FAM83G: variants seen among roughly 807,000 people sequenced by gnomAD.
FAM83G encodes scaffolding CK1 anchoring protein G.
In FAM83G, 38 loss-of-function variants were observed where a neutral mutation model predicts 61.5. The observed-to-expected ratio is 0.62, with a 90% CI of 0.48 to 0.81. FAM83G has a LOEUF of 0.81. Among genes scored for constraint, FAM83G ranks in the 30% least tolerant of loss-of-function variants. The probability of loss-of-function intolerance (pLI) is 0.00; values close to 1 mark genes in which losing one functional copy is unlikely to be tolerated. For synonymous variants in FAM83G, 470 were observed against 476.1 expected, an observed-to-expected ratio of 0.99 and a Z score of 0.17; for missense variants, 989 against 1,133.6, an observed-to-expected ratio of 0.87 and a Z score of 1.83.
chr17:18,985,273 C>T (rs1161833387), intron 3 of FAM83G, among the ~76,000 whole-genome samples: 3 of 152,226 alleles, frequency 2.0e-5, no homozygotes, highest in Non-Finnish European at 4.4e-5. Context: ...ACCATGTCCC[C>T]ATTTTGTAGA....
At position 19,003,531 on chromosome 17, in the gene FAM83G, G is replaced by C. The variant is rs550503280; in HGVS notation, c.511C>G (p.Gln171Glu). The change falls in exon 2 of 6, where the codon CAG (glutamine) becomes GAG (glutamate). Residue 171 changes from glutamine to glutamate, a missense_variant. By Grantham distance (29) the Gln-to-Glu change is conservative (BLOSUM62 2). Around this residue, in one of 3 missense-constraint regions of FAM83G, gnomAD observed 371 missense variants for 404.5 expected, o/e 0.92. Coordinates refer to ENST00000388995, the MANE Select transcript of FAM83G (RefSeq NM_001039999.3). The surrounding 1 kb of genome is among the most constrained non-coding windows in gnomAD (Gnocchi z 4.5). ...IKEVVRKMIS[Q>E]AQKVIAVVMD... ...CCGCGCTGCCTCACCTTCTGTGCCT[G>C]GCTGATCATCTTCCGCACCACCTCT... 3.3e-6 allele frequency: 5 copies of C among 1,537,866 alleles called. No individual in the cohort carries two copies. In the African/African-American group the frequency reaches 5.5e-5, roughly 17 times the overall value.
chr17:18,991,790 G>A (rs2043433117), intron 2 of FAM83G, among the ~76,000 whole-genome samples: 1 of 152,190 alleles, frequency 6.6e-6, no homozygotes, highest in African/African-American at 2.4e-5. Flanking sequence ...GTGAAGGAGG[G>A]AGCCCAGTGG....
At chr17:18,993,467 C>G (rs1276070877) in intron 2 of FAM83G, among the ~76,000 whole-genome samples, 1 of 152,170 alleles carries the variant, frequency 6.6e-6, no homozygotes, top group African/African-American at 2.4e-5. Flanking sequence ...ACGTGACAAG[C>G]CTTACACTCA....
intron 5 of FAM83G, among the ~76,000 whole-genome samples, chr17:18,972,550 C>G (rs1435891310): frequency 1.3e-5 from 2 of 152,190 alleles, no homozygotes; most frequent in African/African-American, 4.8e-5. Context: ...CCCAGAGACC[C>G]TCCCTGGGTT....
intron 4 of FAM83G, 174 bp from the exon 5 acceptor site, chr17:18,979,024 A>G (rs2043062377): frequency 1.4e-6 from 1 of 714,816 alleles, no homozygotes; most frequent in Non-Finnish European, 2.3e-6. Context: ...TCGGATGTCA[A>G]GCAAGTTGGT....
In FAM83G at chr17:18,972,380, A is replaced by G. The variant is rs1181780941; in HGVS notation, c.2083-632T>C. 1.3e-5 allele frequency among the ~76,000 whole-genome samples: 2 copies of G among 152,162 alleles called. 1 individual carries two copies. The highest frequency in any genetic ancestry group is 2.9e-5 in the Non-Finnish European group (2 of 68,010). ...CACAGCGCTCACACAAGCCTTTCCC[A>G]CGTGGCCTACCCTGGGAGTAGGCCC... On this transcript the variant is annotated intron_variant, in intron 5 of 5. Transcript: ENST00000388995.
intron 5 of FAM83G, chr17:18,977,322 A>C: frequency 1.7e-6 from 1 of 571,954 alleles, no homozygotes; most frequent in Non-Finnish European, 3.1e-6. Context: ...GGCTTTGGAG[A>C]CCTCTAGGTG....
At chr17:18,987,428 G>A (rs8069879) in intron 3 of FAM83G, among the ~76,000 whole-genome samples, 87 of 152,346 alleles carry the variant, frequency 5.7e-4, no homozygotes, top group African/African-American at 1.9e-3. Flanking sequence ...CATCACGCAC[G>A]CTCATCTGCT....
chr17:19,005,383 T>TC (rs2043856405), upstream of FAM83G, among the ~76,000 whole-genome samples: 1 of 149,842 alleles, frequency 6.7e-6, no homozygotes, highest in East Asian at 1.9e-4. Flanking sequence ...CTGCTGAGCG[T>TC]CCCCTGGGGT....
Position 18,988,306 on chromosome 17 carries a change from T to C in FAM83G, c.631A>G (p.Asn211Asp). 1 of 1,614,216 alleles carries C rather than the reference T, an allele frequency of 6.2e-7. No homozygotes were observed. The highest frequency in any genetic ancestry group is 1.1e-5 in the South Asian group (1 of 91,086). Residue 211 changes from asparagine to aspartate, a missense_variant, in exon 3 of 6, where the codon AAC becomes GAC. Physicochemically the swap from Asn to Asp is conservative, Grantham distance 23 (BLOSUM62 1). Coordinates refer to ENST00000388995, the MANE Select transcript of FAM83G (RefSeq NM_001039999.3). ...VAVYIIVDESNVKYFLHMCER... is the reference protein window; with the variant it reads ...VAVYIIVDESDVKYFLHMCER... ...CACATGTGCAGGAAGTACTTGACGTTACTCTCATCCACGATGATGTACACG... is the reference window on the plus strand; with the variant it reads ...CACATGTGCAGGAAGTACTTGACGTCACTCTCATCCACGATGATGTACACG...
intron 2 of FAM83G, among the ~76,000 whole-genome samples, chr17:18,998,670 G>A (rs1597886751): frequency 6.6e-6 from 1 of 152,166 alleles, no homozygotes. Context: ...GGCTCTCCTC[G>A]AAACTCTTAA....
chr17:18,988,835 GACA>G (rs1324406459), intron 2 of FAM83G, among the ~76,000 whole-genome samples: 1 of 152,246 alleles, frequency 6.6e-6, no homozygotes, highest in Non-Finnish European at 1.5e-5. Context: ...CCTGTCAGCT[GACA>G]ACATCTGTCC....
intron 2 of FAM83G, among the ~76,000 whole-genome samples, chr17:19,002,266 G>C (rs945627610): frequency 4.6e-5 from 7 of 152,242 alleles, no homozygotes; most frequent in Non-Finnish European, 8.8e-5. Context: ...GGGTCAGTCA[G>C]TGAATTGAGA....
At position 19,003,645 on chromosome 17, in the gene FAM83G, G is replaced by T. The variant is rs763540091; in HGVS notation, c.397C>A (p.Leu133Met). ...KSDRSIPQLD[L>M]GWPDTIAYRG... Reference sequence around the variant, plus strand: ...TAGGCGATGGTGTCGGGCCAGCCCAGGTCCAGCTGCGGGATGGAGCGGTCC... The same window carrying T: ...TAGGCGATGGTGTCGGGCCAGCCCATGTCCAGCTGCGGGATGGAGCGGTCC... The change falls in exon 2 of 6, where the codon CTG becomes ATG. Residue 133 changes from leucine (L) to methionine (M), a missense_variant. Physicochemically the swap from Leu to Met is conservative, Grantham distance 15. Coordinates refer to ENST00000388995, the MANE Select transcript of FAM83G (RefSeq NM_001039999.3). This position sits in a 1 kb window ranked among gnomAD's most constrained non-coding sequence, Gnocchi z 4.5. 6.2e-7 allele frequency: 1 copy of T among 1,612,416 alleles called. No homozygotes were observed. Among genetic ancestry groups the T allele is most frequent in the Non-Finnish European group, 8.5e-7 (1 of 1,179,612 alleles).
At chr17:18,973,859 G>A (rs760499698) in intron 5 of FAM83G, among the ~76,000 whole-genome samples, 8 of 150,034 alleles carry the variant, frequency 5.3e-5, no homozygotes, top group African/African-American at 7.4e-5. Flanking sequence ...CACCACACTC[G>A]GCTAATTTTT....
rs1271519190 is a variant in FAM83G at position 18,978,524 on chromosome 17, A to AGCG, written c.1139_1141dup (p.Ala380_Leu381insPro). The AGCG allele has an allele frequency of 6.2e-7, 1 of 1,613,224 alleles. No homozygotes were observed. Among genetic ancestry groups the AGCG allele is most frequent in the Non-Finnish European group, 8.5e-7 (1 of 1,179,952 alleles). ...GGGGAGTTCCCCTGGATGCTCAGCC[A>AGCG]GCGCTGGGCCTTTCAGCCCCAGGGG... On this transcript the variant is annotated inframe_insertion, in exon 5 of 6. Transcript: ENST00000388995.
At position 18,981,642 on chromosome 17, in the gene FAM83G, G is replaced by A. The variant is rs551355587; in HGVS notation, c.691-1969C>T. Among the ~76,000 whole-genome samples the A allele has an allele frequency of 2.6e-5, 4 of 152,306 alleles. No individual in the cohort carries two copies. In the South Asian group the frequency reaches 6.2e-4, roughly 24 times the overall value. On this transcript the variant is annotated intron_variant, in intron 3 of 5. Transcript: ENST00000388995. ...GGGTGGCCCCAGGCAAGCAACCACA[G>A]AGGCAGGCAGGTGTGGGCCGTGGGT...
Position 18,971,135 on chromosome 17 carries a change from G to C in FAM83G, c.*224C>G, listed in dbSNP as rs150991947. On this transcript the variant is annotated 3_prime_UTR_variant, in exon 6 of 6. Coordinates refer to ENST00000388995, the MANE Select transcript of FAM83G (RefSeq NM_001039999.3). The surrounding 1 kb of genome is among the most constrained non-coding windows in gnomAD (Gnocchi z 5.5). ...TACAGACGCCATGCACATGTTTCGA[G>C]ACCCCCACACAGGGGACCTGCCGTG... is the stretch of plus-strand genomic sequence containing the variant. The C allele has an allele frequency of 6.2e-6, 10 of 1,613,976 alleles. No homozygotes were observed. In the African/African-American group the frequency reaches 9.3e-5, roughly 15 times the overall value.
At position 18,970,504 on chromosome 17, in the gene FAM83G, C is replaced by T. The variant is rs2042815346; in HGVS notation, c.*855G>A. On this transcript the variant is annotated 3_prime_UTR_variant, in exon 6 of 6. Coordinates refer to ENST00000388995, the MANE Select transcript of FAM83G (RefSeq NM_001039999.3). ...GTCTTGGTGGAGGCCCCATCCCTCT[C>T]TGGACCTGTCTCCCTCTTCTCTGTG... 5.8e-6 allele frequency: 1 copy of T among 172,664 alleles called. No individual in the cohort carries two copies. The highest frequency in any genetic ancestry group is 1.4e-4 in the South Asian group (1 of 7,356). 10.7% of individuals were successfully genotyped at this position (172,664 alleles called of 1,614,324 possible).
Sources: allele counts gnomAD v4.1 joint callset (sites outside exome capture counted in the v4.1 genomes callset), GRCh38; gene constraint gnomAD v4.1.1; regional missense constraint gnomAD v4.1.1; non-coding constraint Gnocchi (gnomAD v3.1); transcripts MANE v1.5; gene names NCBI Gene and HGNC (gene_info 2026-07-23, HGNC 2026-07-21).